RGR: variants seen among roughly 807,000 people sequenced by gnomAD.
RGR encodes the protein retinal G protein coupled receptor.
RGR carries 30 observed loss-of-function variants against 28.6 expected under a neutral mutation model. That is an observed-to-expected ratio of 1.05 (90% CI 0.78 to 1.42). The LOEUF is 1.42. Among genes scored for constraint, RGR ranks in the 40% most tolerant of loss-of-function variants. The probability of loss-of-function intolerance (pLI) is 0.00; values close to 1 mark genes in which losing one functional copy is unlikely to be tolerated. For synonymous variants in RGR, 180 were observed against 156.4 expected (o/e 1.15, Z -1.13); for missense variants, 404 against 375.6 (o/e 1.08, Z -0.62).
At chr10:84,258,458 G>A in intron 6 of RGR, 50 bp from the exon 7 acceptor site, 1 of 1,613,886 alleles carries the variant, frequency 6.2e-7, no homozygotes, top group Non-Finnish European at 8.5e-7. Context: ...AGACCAGAGA[G>A]AGGATCAGTG....
rs185677465 is a variant in RGR, at chr10:84,249,591, G to A, written c.358+548G>A. On this transcript the variant is annotated intron_variant, in intron 3 of 6. Coordinates refer to ENST00000652092, the MANE Select transcript of RGR (RefSeq NM_001012720.2). ...CTCCCAAAGTGCTGGGATTACAGGC[G>A]TGAGCCACCGTACCCGGCTGAGATG... Among the ~76,000 whole-genome samples, 511 of 152,314 alleles carry A rather than the reference G, an allele frequency of 3.4e-3. 4 individuals are homozygous for A. The highest frequency in any genetic ancestry group is 5.9e-3 in the Admixed American group (90 of 15,302).
chr10:84,254,421 TG>T lies in RGR; in HGVS notation c.612del (p.Lys205ArgfsTer7). The T allele has an allele frequency of 1.2e-6, 2 of 1,614,136 alleles. No homozygotes were observed. The highest frequency in any genetic ancestry group is 1.7e-6 in the Non-Finnish European group (2 of 1,179,994). On this transcript the variant is annotated frameshift_variant, in exon 5 of 7. Coordinates refer to ENST00000652092, the MANE Select transcript of RGR (RefSeq NM_001012720.2). LOFTEE classifies it high-confidence loss of function. ...TCCTACAGTCTCATGGAGCAGAAAC[TG>T]GGGAAGAGTGGCCATCTCCAGGTAA... ...ITSYSLMEQKLGKSGHLQVNT... is the reference protein window; with the variant it reads ...ITSYSLMEQKXGKSGHLQVNT...
chr10:84,245,741 A>G (rs1436227089), intron 1 of RGR, among the ~76,000 whole-genome samples: 3 of 152,160 alleles, frequency 2.0e-5, no homozygotes, highest in African/African-American at 7.2e-5. Flanking sequence ...CTCCAGCCCC[A>G]CCACTATTTT....
intron 5 of RGR, among the ~76,000 whole-genome samples, chr10:84,256,770 G>A (rs1842893318): frequency 6.6e-6 from 1 of 152,100 alleles, no homozygotes; most frequent in South Asian, 2.1e-4. Flanking sequence ...CAGGCAGCCG[G>A]GAGACAAGGC....
intron 4 of RGR, among the ~76,000 whole-genome samples, chr10:84,253,284 G>A (rs111539343): frequency 0.01 from 1,527 of 152,284 alleles, 29 homozygotes; most frequent in African/African-American, 0.035. Context: ...ATTGGCTTGT[G>A]TCAGTGGTAA....
At position 84,253,022 on chromosome 10, in the gene RGR, G is replaced by A; in HGVS notation, c.512+12G>A. ...TCCAAGGGGGACAGGTGAGGTGGGA[G>A]GAGCAGCTTCGAGGCTCCTATCCAT... On this transcript the variant is annotated intron_variant, in intron 4 of 6. Transcript: ENST00000652092. The A allele has an allele frequency of 1.2e-6, 2 of 1,612,088 alleles. No individual in the cohort carries two copies. The highest frequency in any genetic ancestry group is 1.1e-5 in the South Asian group (1 of 91,014).
At chr10:84,258,383 C>G (rs1444376656) in intron 6 of RGR, 125 bp from the exon 7 acceptor site, 1 of 1,496,084 alleles carries the variant, frequency 6.7e-7, no homozygotes, top group Non-Finnish European at 9.2e-7. Context: ...GTCAGGGAAG[C>G]CTCCAAGGCT....
At chr10:84,255,389 T>C (rs74145780) in intron 5 of RGR, 9,787 of 152,286 alleles carry the variant, frequency 0.064, 336 homozygotes, top group Middle Eastern at 0.13. Flanking sequence ...TTGCCAAGGA[T>C]GTGAGGTTTG....
chr10:84,249,165 G>A (rs928235253), intron 3 of RGR, 122 bp downstream of exon 3: 5 of 1,424,720 alleles, frequency 3.5e-6, no homozygotes, highest in Non-Finnish European at 4.9e-6. Flanking sequence ...AGTGTGGGTA[G>A]GTGTGAGTGT....
At chr10:84,256,490 C>G (rs1180446917) in intron 5 of RGR, among the ~76,000 whole-genome samples, 1 of 152,212 alleles carries the variant, frequency 6.6e-6, no homozygotes, top group African/African-American at 2.4e-5. Context: ...TGGTCAATCA[C>G]AGTGCATGAA....
At chr10:84,247,789 C>A in intron 2 of RGR, 42 bp downstream of exon 2, 1 of 1,613,564 alleles carries the variant, frequency 6.2e-7, no homozygotes, top group East Asian at 2.2e-5. Flanking sequence ...GGGGTCCTGC[C>A]TGGGGCCTGA....
At position 84,259,250 on chromosome 10, in the gene RGR, A is replaced by G. The variant is rs1842925550; in HGVS notation, c.*611A>G. 2 of 158,998 alleles carry G rather than the reference A, an allele frequency of 1.3e-5. No homozygotes were observed. Among genetic ancestry groups the G allele is most frequent in the African/African-American group, 4.8e-5 (2 of 41,446 alleles). The allele number at this position is 158,998 out of a possible 1,614,324, so 9.8% of individuals were successfully genotyped here. A position where few individuals can be genotyped will look rare whatever the true frequency, so the allele number is the denominator to read the frequency against. On this transcript the variant is annotated 3_prime_UTR_variant, in exon 7 of 7. Coordinates refer to ENST00000652092, the MANE Select transcript of RGR (RefSeq NM_001012720.2). ...CAGTGTAGTATTCCATTCCATATACATATATAAACGTTATATATATGTAAC... is the reference window on the plus strand; with the variant it reads ...CAGTGTAGTATTCCATTCCATATACGTATATAAACGTTATATATATGTAAC...
rs1842923223 is a variant in RGR at position 84,259,000 on chromosome 10, T to C, written c.*361T>C. 1 of 322,232 alleles carries C rather than the reference T, an allele frequency of 3.1e-6. No homozygotes were observed. The highest frequency in any genetic ancestry group is 4.2e-5 in the Admixed American group (1 of 23,718). 20.0% of individuals were successfully genotyped at this position (322,232 alleles called of 1,614,324 possible). A position where few individuals can be genotyped will look rare whatever the true frequency, so the allele number is the denominator to read the frequency against. ...CCCTAATAATATACGTTGTACCCAT[T>C]AAGTTATTTCTCATCCCTCACCCCC... On this transcript the variant is annotated 3_prime_UTR_variant, in exon 7 of 7. Transcript: ENST00000652092.
At position 84,245,314 on chromosome 10, in the gene RGR, G is replaced by A. The variant is rs528642508; in HGVS notation, c.79+145G>A. The A allele has an allele frequency of 4.0e-4, 283 of 702,602 alleles. 1 individual carries two copies. In the Middle Eastern group the frequency reaches 9.0e-3, roughly 22 times the overall value. 43.5% of individuals were successfully genotyped at this position (702,602 alleles called of 1,614,324 possible). On this transcript the variant is annotated intron_variant, in intron 1 of 6. Coordinates refer to ENST00000652092, the MANE Select transcript of RGR (RefSeq NM_001012720.2). ...ATTGGCTGCCTTCCCCTCTGTGCCC[G>A]GACTCGGGGGGTGTTCTGACAATTG...
intron 4 of RGR, among the ~76,000 whole-genome samples, chr10:84,253,994 A>G (rs933590734): frequency 2.0e-5 from 3 of 152,110 alleles, no homozygotes; most frequent in East Asian, 3.8e-4. Context: ...TTGGGCCTAG[A>G]ATGCTCCTTG....
Position 84,258,817 on chromosome 10 carries a change from C to A in RGR, c.*178C>A, listed in dbSNP as rs1842921154. On this transcript the variant is annotated 3_prime_UTR_variant, in exon 7 of 7. Coordinates refer to ENST00000652092, the MANE Select transcript of RGR (RefSeq NM_001012720.2). The stretch of plus-strand genomic sequence containing the variant: ...GGCTGCACAGAAAGAGCCAGATGGA[C>A]CTGAGTGTCGGTCACAGCCCCCTAC... 1 of 879,656 alleles carries A rather than the reference C, an allele frequency of 1.1e-6. No homozygotes were observed. The highest frequency in any genetic ancestry group is 1.8e-6 in the Non-Finnish European group (1 of 562,166). The allele number at this position is 879,656 out of a possible 1,614,324, so 54.5% of individuals were successfully genotyped here. A position where few individuals can be genotyped will look rare whatever the true frequency, so the allele number is the denominator to read the frequency against.
chr10:84,252,320 A>G (rs1842828578), intron 3 of RGR, among the ~76,000 whole-genome samples: 1 of 152,078 alleles, frequency 6.6e-6, no homozygotes, highest in South Asian at 2.1e-4. Context: ...GTAAGTCCAG[A>G]CTTCTGCCTC....
intron 4 of RGR, 124 bp downstream of exon 4, chr10:84,253,134 A>C (rs918804596): frequency 1.0e-4 from 117 of 1,141,406 alleles, no homozygotes; most frequent in Non-Finnish European, 1.3e-4. Context: ...AGACAATCTC[A>C]ACTTCTTAAT....
rs1177713223 is a variant in RGR at position 84,250,302 on chromosome 10, C to G, written c.358+1259C>G. 6 of 711,952 alleles carry G rather than the reference C, an allele frequency of 8.4e-6. No individual in the cohort carries two copies. In the East Asian group the frequency reaches 1.6e-4, roughly 19 times the overall value. The allele number at this position is 711,952 out of a possible 1,614,324, so 44.1% of individuals were successfully genotyped here. A position where few individuals can be genotyped will look rare whatever the true frequency, so the allele number is the denominator to read the frequency against. ...CCTCTTTGGAATCCACAGAACTTCC[C>G]TTGCCATAGTCACATGTATAGCCCC... On this transcript the variant is annotated intron_variant, in intron 3 of 6. Coordinates refer to ENST00000652092, the MANE Select transcript of RGR (RefSeq NM_001012720.2).
Sources: gnomAD v4.1 joint callset for allele counts (sites outside exome capture counted in the v4.1 genomes callset) on GRCh38, gnomAD v4.1.1 for gene constraint, MANE v1.5 for transcripts, NCBI Gene and HGNC (gene_info 2026-07-23, HGNC 2026-07-21) for gene names.